The following KCNH7 variants were observed in gnomAD, a reference collection of about 807,000 sequenced individuals.
KCNH7 encodes potassium voltage-gated channel subfamily H member 7, also known as voltage-gated inwardly rectifying potassium channel KCNH7.
Under a neutral mutation model 120.8 loss-of-function variants are expected in KCNH7, and 49 were observed. That is an observed-to-expected ratio of 0.41 (90% CI 0.32 to 0.51). The LOEUF is 0.51. KCNH7 is among the 20% of genes least tolerant of loss of function. KCNH7 has a pLI of 0.38. For synonymous variants in KCNH7, 547 were observed against 516.1 expected (o/e 1.06, Z -0.81); for missense variants, 1,097 against 1,446.6 (o/e 0.76, Z 3.92).
intron 2 of KCNH7, among the ~76,000 whole-genome samples, chr2:162,629,938 A>T: frequency 6.6e-6 from 1 of 152,144 alleles, no homozygotes. Context: ...GACATAAATG[A>T]AGAAATTTGG....
intron 14 of KCNH7, among the ~76,000 whole-genome samples, chr2:162,379,305 G>C (rs991677255): frequency 6.6e-6 from 1 of 152,142 alleles, no homozygotes; most frequent in East Asian, 1.9e-4. Flanking sequence ...CTTAGGGGAA[G>C]GGATTACCTC....
chr2:162,808,281 T>G (rs1448235160), intron 2 of KCNH7, among the ~76,000 whole-genome samples: 1 of 152,172 alleles, frequency 6.6e-6, no homozygotes, highest in African/African-American at 2.4e-5. Flanking sequence ...GTTGACTCTG[T>G]GGAGGCAGAA....
At chr2:162,772,289 A>G (rs141397995) in intron 2 of KCNH7, among the ~76,000 whole-genome samples, 28 of 152,282 alleles carry the variant, frequency 1.8e-4, no homozygotes, top group Admixed American at 9.2e-4. Context: ...TTAATTTTTT[A>G]TGAGGTAAGC....
rs574982650 is a variant in KCNH7, at chr2:162,657,012, T to C, written c.308-119932A>G. On this transcript the variant is annotated intron_variant, in intron 2 of 15. Transcript: ENST00000332142. Reference sequence around the variant, plus strand: ...TGGGATTCTTATGCAAAACTGCCACTTAAATATACTTTATTATTTAGAGCA... The same window carrying C: ...TGGGATTCTTATGCAAAACTGCCACCTAAATATACTTTATTATTTAGAGCA... Among the ~76,000 whole-genome samples the C allele has an allele frequency of 5.9e-5, 9 of 152,306 alleles. No individual in the cohort carries two copies. The East Asian group carries it at 1.7e-3, about 29-fold the overall frequency.
intron 6 of KCNH7, among the ~76,000 whole-genome samples, chr2:162,470,661 G>A (rs1295059515): frequency 2.6e-5 from 4 of 151,328 alleles, no homozygotes; most frequent in Admixed American, 6.6e-5. Flanking sequence ...GCCCCGTCCG[G>A]GAGGTGAGGG....
intron 2 of KCNH7, among the ~76,000 whole-genome samples, chr2:162,834,815 T>C (rs1241738370): frequency 6.6e-6 from 1 of 152,126 alleles, no homozygotes; most frequent in Non-Finnish European, 1.5e-5. Flanking sequence ...AAGATATACC[T>C]AGTATTTGAG....
chr2:162,691,696 A>G (rs1439831678), intron 2 of KCNH7, among the ~76,000 whole-genome samples: 1 of 152,142 alleles, frequency 6.6e-6, no homozygotes, highest in African/African-American at 2.4e-5. Flanking sequence ...AATTCCATTG[A>G]AATAAGGCTA....
At chr2:162,824,515 C>A (rs140250055) in intron 2 of KCNH7, among the ~76,000 whole-genome samples, 1 of 152,192 alleles carries the variant, frequency 6.6e-6, no homozygotes, top group Non-Finnish European at 1.5e-5. Context: ...GAAGACCTGA[C>A]AATTGAGTCA....
intron 2 of KCNH7, among the ~76,000 whole-genome samples, chr2:162,619,258 A>G (rs1683253738): frequency 6.6e-6 from 1 of 152,094 alleles, no homozygotes; most frequent in Non-Finnish European, 1.5e-5. Context: ...AAAATAAAAA[A>G]GGCTTGAATA....
chr2:162,418,187 T>C (rs1257843988), intron 9 of KCNH7, among the ~76,000 whole-genome samples: 1 of 152,162 alleles, frequency 6.6e-6, no homozygotes, highest in South Asian at 2.1e-4. Context: ...AAATGGTAAC[T>C]ATGTATTTAT....
chr2:162,429,381 G>GTTTTTTTTTTT (rs1158431426), intron 8 of KCNH7, among the ~76,000 whole-genome samples: 2 of 43,424 alleles, frequency 4.6e-5, no homozygotes, highest in African/African-American at 2.9e-4. Context: ...TGAGGAAAAA[G>GTTTTTTTTTTT]TCTTTTTTTT....
intron 2 of KCNH7, among the ~76,000 whole-genome samples, chr2:162,789,286 C>T (rs1238660282): frequency 6.6e-6 from 1 of 151,764 alleles, no homozygotes; most frequent in East Asian, 1.9e-4. Flanking sequence ...AAAGACAAGA[C>T]TATTAAAATT....
At chr2:162,501,169 C>T (rs1475447693) in intron 6 of KCNH7, among the ~76,000 whole-genome samples, 2 of 151,974 alleles carry the variant, frequency 1.3e-5, no homozygotes, top group Non-Finnish European at 2.9e-5. Context: ...CCTACTGATG[C>T]CTTTTTTCCC....
Position 162,384,808 on chromosome 2 carries a change from G to A in KCNH7, c.2842C>T (p.Leu948Phe). Reference sequence around the variant, plus strand: ...GAAGAGTCTACTATTCCTGAGAAGAGCGGCTTTTGTTCATCATCAATGGAG... The same window carrying A: ...GAAGAGTCTACTATTCCTGAGAAGAACGGCTTTTGTTCATCATCAATGGAG... ...ISSIDDEQKP[L>F]FSGIVDSSPG... The change falls in exon 13 of 16, where the codon CTC becomes TTC. Residue 948 changes from leucine (L) to phenylalanine (F), a missense_variant. Physicochemically the swap from Leu to Phe is conservative, Grantham distance 22. Coordinates refer to ENST00000332142, the MANE Select transcript of KCNH7 (RefSeq NM_033272.4). 6.2e-7 allele frequency: 1 copy of A among 1,612,860 alleles called. No homozygotes were observed. Among genetic ancestry groups the A allele is most frequent in the East Asian group, 2.2e-5 (1 of 44,806 alleles).
At chr2:162,664,080 T>C (rs1685058427) in intron 2 of KCNH7, among the ~76,000 whole-genome samples, 1 of 152,148 alleles carries the variant, frequency 6.6e-6, no homozygotes, top group Non-Finnish European at 1.5e-5. Context: ...GTTGCCATCT[T>C]TCCCCCTGAT....
chr2:162,772,736 C>G (rs1015764852), intron 2 of KCNH7, among the ~76,000 whole-genome samples: 1 of 152,208 alleles, frequency 6.6e-6, no homozygotes, highest in African/African-American at 2.4e-5. Flanking sequence ...GCTTTTACAT[C>G]TCTAGCATTT....
chr2:162,744,360 A>G (rs941722192), intron 2 of KCNH7, among the ~76,000 whole-genome samples: 1 of 152,076 alleles, frequency 6.6e-6, no homozygotes, highest in Admixed American at 6.5e-5. Context: ...TGTCAATAAA[A>G]CCTTTTAAGA....
At chr2:162,387,638 T>C (rs558135320) in intron 12 of KCNH7, among the ~76,000 whole-genome samples, 1 of 151,834 alleles carries the variant, frequency 6.6e-6, no homozygotes, top group South Asian at 2.1e-4. Flanking sequence ...ATTCAGAAGA[T>C]GAAAAACTTT....
chr2:162,610,417 A>G lies in KCNH7; in HGVS notation c.308-73337T>C, dbSNP rs553552015. Among the ~76,000 whole-genome samples, 7 of 152,328 alleles carry G rather than the reference A, an allele frequency of 4.6e-5. No homozygotes were observed. In the East Asian group the frequency reaches 9.6e-4, roughly 21 times the overall value. On this transcript the variant is annotated intron_variant, in intron 2 of 15. Coordinates refer to ENST00000332142, the MANE Select transcript of KCNH7 (RefSeq NM_033272.4). ...GCTGTTCTCCCAAGGCCTAGGATTTAGGAATATCATTTCAATTCACTACAT... is the reference window on the plus strand; with the variant it reads ...GCTGTTCTCCCAAGGCCTAGGATTTGGGAATATCATTTCAATTCACTACAT...
Sources: allele counts gnomAD v4.1 joint callset (sites outside exome capture counted in the v4.1 genomes callset), GRCh38; gene constraint gnomAD v4.1.1; transcripts MANE v1.5; gene names NCBI Gene and HGNC (gene_info 2026-07-23, HGNC 2026-07-21).